The following GSE1 variants were observed in gnomAD, a reference collection of about 807,000 sequenced individuals.
The protein encoded by GSE1 is Gse1 coiled-coil protein.
GSE1 carries 32 observed loss-of-function variants against 112.6 expected under a neutral mutation model. The ratio of observed to expected loss-of-function variants is 0.28; its 90% confidence interval spans 0.21 to 0.38. The LOEUF is 0.38. GSE1 is among the 10% of genes least tolerant of loss of function. The pLI, the probability that GSE1 is intolerant of heterozygous loss-of-function variation, is 1.00. For synonymous variants in GSE1, 1,115 were observed against 735.6 expected (o/e 1.52, Z -8.35); for missense variants, 2,348 against 1,699.2 (o/e 1.38, Z -6.71).
intron 2 of GSE1, among the ~76,000 whole-genome samples, chr16:85,501,310 C>G (rs1339489039): frequency 6.6e-6 from 1 of 151,202 alleles, no homozygotes; most frequent in Non-Finnish European, 1.5e-5. Context: ...CCAAGTATGG[C>G]CTCTTCTTAA....
rs958375284 is a variant in GSE1, at chr16:85,654,701, G to A, written c.600-93G>A. On this transcript the variant is annotated intron_variant, in intron 4 of 15. Transcript: ENST00000253458. ...CCAGGAGTCTGGGTGCCGACTGAGC[G>A]CCAGGGGTGATGCAGGGAGTTTAGC... 3.4e-5 allele frequency: 29 copies of A among 842,586 alleles called. 1 individual carries two copies. Among genetic ancestry groups the A allele is most frequent in the Middle Eastern group, 2.9e-4 (1 of 3,440 alleles). The allele number at this position is 842,586 out of a possible 1,614,324, so 52.2% of individuals were successfully genotyped here.
At chr16:85,493,599 C>T (rs1270808574) in intron 2 of GSE1, among the ~76,000 whole-genome samples, 1 of 151,914 alleles carries the variant, frequency 6.6e-6, no homozygotes, top group Non-Finnish European at 1.5e-5. Context: ...ACTAAAAATT[C>T]AAAATTAGCC....
chr16:85,216,372 C>T (rs1014921323), intron 1 of GSE1, among the ~76,000 whole-genome samples: 2 of 152,114 alleles, frequency 1.3e-5, no homozygotes, highest in African/African-American at 4.8e-5. Context: ...GCACTCCAGC[C>T]TGAATGACAG....
intron 2 of GSE1, among the ~76,000 whole-genome samples, chr16:85,543,810 C>T (rs2044607149): frequency 6.6e-6 from 1 of 151,478 alleles, no homozygotes; most frequent in Non-Finnish European, 1.5e-5. Context: ...GGCAGTTTTG[C>T]TCCTTGGGGG....
At position 85,311,519 on chromosome 16, in the gene GSE1, G is replaced by T. The variant is rs999402153; in HGVS notation, c.2284-45944G>T. On this transcript the variant is annotated intron_variant, in intron 1 of 2. Coordinates refer to the GSE1 transcript ENST00000637419. This position sits in a 1 kb window ranked among gnomAD's most constrained non-coding sequence, Gnocchi z 4.2. Reference sequence around the variant, plus strand: ...GGACATTGGGGAGGGAGGGAGGGAGGGAAGGAGGTGCCGGGGTGCTCACCT... The same window carrying T: ...GGACATTGGGGAGGGAGGGAGGGAGTGAAGGAGGTGCCGGGGTGCTCACCT... 3.3e-5 allele frequency among the ~76,000 whole-genome samples: 5 copies of T among 152,106 alleles called. No individual in the cohort carries two copies. Among genetic ancestry groups the T allele is most frequent in the Admixed American group, 6.5e-5 (1 of 15,282 alleles).
chr16:85,286,427 T>A (rs149155533), intron 1 of GSE1, among the ~76,000 whole-genome samples: 1 of 152,348 alleles, frequency 6.6e-6, no homozygotes, highest in Non-Finnish European at 1.5e-5. Context: ...GCTGCCGCAG[T>A]CCGTGTTACT....
At chr16:85,440,996 G>A (rs563511507) in intron 2 of GSE1, among the ~76,000 whole-genome samples, 13 of 152,350 alleles carry the variant, frequency 8.5e-5, no homozygotes, top group African/African-American at 2.9e-4. Context: ...GCTCCCGGGA[G>A]GCCAACGCAT....
chr16:85,213,310 T>C (rs983323111), intron 1 of GSE1, among the ~76,000 whole-genome samples: 2 of 150,820 alleles, frequency 1.3e-5, no homozygotes, highest in Non-Finnish European at 2.9e-5. Flanking sequence ...GCCAGGCATG[T>C]TGGCATGCGT....
intron 1 of GSE1, among the ~76,000 whole-genome samples, chr16:85,292,965 C>A (rs1047100765): frequency 1.3e-5 from 2 of 152,178 alleles, no homozygotes; most frequent in Admixed American, 1.3e-4. Context: ...GAATATTATA[C>A]ATACAATACA....
chr16:85,190,428 A>G (rs180830894), intron 1 of GSE1, among the ~76,000 whole-genome samples: 16 of 152,348 alleles, frequency 1.1e-4, no homozygotes, highest in Admixed American at 6.5e-4. Flanking sequence ...TCCACCATTT[A>G]AAGTATTTGT....
chr16:85,484,217 C>A (rs951993241), intron 2 of GSE1, among the ~76,000 whole-genome samples: 1 of 152,200 alleles, frequency 6.6e-6, no homozygotes, highest in East Asian at 1.9e-4. Context: ...GGCCAGGGGC[C>A]AGTGGGTCCC....
At chr16:85,542,694 G>A (rs559136908) in intron 2 of GSE1, among the ~76,000 whole-genome samples, 1 of 152,360 alleles carries the variant, frequency 6.6e-6, no homozygotes, top group South Asian at 2.1e-4. Flanking sequence ...TGCTGTATGA[G>A]ACTGATGGTC....
At chr16:85,418,924 A>G (rs2048763673) in intron 2 of GSE1, among the ~76,000 whole-genome samples, 1 of 152,100 alleles carries the variant, frequency 6.6e-6, no homozygotes, top group African/African-American at 2.4e-5. Context: ...AAGTCTGTTG[A>G]CTTGAGCGGC....
At chr16:85,361,049 G>A (rs540563447) in intron 2 of GSE1, among the ~76,000 whole-genome samples, 15 of 151,904 alleles carry the variant, frequency 9.9e-5, no homozygotes, top group South Asian at 8.3e-4. Flanking sequence ...ACACATATGC[G>A]ATACACATAT....
At chr16:85,299,495 G>A (rs1411619704) in intron 1 of GSE1, among the ~76,000 whole-genome samples, 7 of 152,300 alleles carry the variant, frequency 4.6e-5, no homozygotes, top group African/African-American at 1.2e-4. Context: ...CGGAGGGAGC[G>A]TATCCCTAGC....
At chr16:85,637,259 G>A (rs1308603031) in intron 2 of GSE1, among the ~76,000 whole-genome samples, 3 of 152,230 alleles carry the variant, frequency 2.0e-5, no homozygotes, top group Non-Finnish European at 4.4e-5. Flanking sequence ...CACATGGGCT[G>A]GCGCGGTGCG....
intron 11 of GSE1, chr16:85,664,631 A>C: frequency 5.7e-6 from 1 of 175,184 alleles, no homozygotes; most frequent in Non-Finnish European, 1.2e-5. Flanking sequence ...AGTGGGGGAG[A>C]AGGCACCCTG....
intron 1 of GSE1, among the ~76,000 whole-genome samples, chr16:85,324,509 C>CA (rs58493568): frequency 0.037 from 3,659 of 97,948 alleles, 50 homozygotes; most frequent in Admixed American, 0.043. Context: ...GACTCCCTCT[C>CA]AAAAAAAAAA....
intron 2 of GSE1, among the ~76,000 whole-genome samples, chr16:85,641,385 G>T (rs1366240951): frequency 6.6e-6 from 1 of 152,226 alleles, no homozygotes; most frequent in Non-Finnish European, 1.5e-5. Flanking sequence ...TGTGGCACGT[G>T]ATGGCAGGGT....
Sources: allele counts gnomAD v4.1 joint callset (sites outside exome capture counted in the v4.1 genomes callset), GRCh38; gene constraint gnomAD v4.1.1; non-coding constraint Gnocchi (gnomAD v3.1); transcripts MANE v1.5; gene names NCBI Gene and HGNC (gene_info 2026-07-23, HGNC 2026-07-21).